The following QRICH2 variants were observed in gnomAD, a reference collection of about 807,000 sequenced individuals.
QRICH2 encodes the protein glutamine-rich protein 2.
Under a neutral mutation model 168.3 loss-of-function variants are expected in QRICH2, and 119 were observed. The ratio of observed to expected loss-of-function variants is 0.71; its 90% CI spans 0.61 to 0.82. The LOEUF is 0.82. QRICH2 is among the 40% of genes least tolerant of loss of function. The pLI is 0.00. For synonymous variants in QRICH2, 894 were observed against 951.2 expected (o/e 0.94, Z 1.11); for missense variants, 2,241 against 2,491.6 (o/e 0.90, Z 2.14).
At position 76,281,628 on chromosome 17, in the gene QRICH2, A is replaced by C. The variant is rs1233772758; in HGVS notation, c.4263+236T>G. On this transcript the variant is annotated intron_variant, in intron 8 of 18. Transcript: ENST00000680821. This position sits in a 1 kb window ranked among gnomAD's most constrained non-coding sequence, Gnocchi z 4.4. Reference sequence around the variant, plus strand: ...CAGCCGGCCTGTGCTGTCCCACCCCATCAAGCCAGCTCTTCCCCATGGTCT... The same window carrying C: ...CAGCCGGCCTGTGCTGTCCCACCCCCTCAAGCCAGCTCTTCCCCATGGTCT... 6.6e-6 allele frequency among the ~76,000 whole-genome samples: 1 copy of C among 152,160 alleles called. No individual in the cohort carries two copies. The highest frequency in any genetic ancestry group is 1.5e-5 in the Non-Finnish European group (1 of 68,032).
In QRICH2 at chr17:76,292,926, C is replaced by A. The variant is rs770893659; in HGVS notation, c.1801G>T (p.Val601Phe). Residue 601 changes from valine to phenylalanine, a missense_variant, in exon 4 of 19, where the codon GTC becomes TTC. Around this residue, in one of 3 missense-constraint regions of QRICH2, gnomAD observed 2,047 missense variants for 2,303.8 expected, o/e 0.89. Coordinates refer to ENST00000680821, the MANE Select transcript of QRICH2 (RefSeq NM_001388453.1). ...VQPGADQRGLVRPGMDQSGLA... is the reference protein window; with the variant it reads ...VQPGADQRGLFRPGMDQSGLA... Reference sequence around the variant, plus strand: ...CCAGACTGATCCATTCCAGGCCGGACCAAACCACGCTGATCTGCACCAGGT... The same window carrying A: ...CCAGACTGATCCATTCCAGGCCGGAACAAACCACGCTGATCTGCACCAGGT... The A allele has an allele frequency of 3.7e-6, 6 of 1,613,406 alleles. No individual in the cohort carries two copies. The highest frequency in any genetic ancestry group is 8.5e-7 in the Non-Finnish European group (1 of 1,179,982).
intron 3 of QRICH2, among the ~76,000 whole-genome samples, chr17:76,303,256 T>G (rs1177007228): frequency 1.3e-5 from 2 of 152,094 alleles, no homozygotes; most frequent in Non-Finnish European, 2.9e-5. Flanking sequence ...GTCCTGGAGA[T>G]CCCAGGTTGT....
chr17:76,278,511 C>G (rs2070730262), intron 14 of QRICH2, among the ~76,000 whole-genome samples: 1 of 152,250 alleles, frequency 6.6e-6, no homozygotes, highest in Non-Finnish European at 1.5e-5. Flanking sequence ...ATACCTGGAA[C>G]CCACAGGGCT....
Position 76,293,419 on chromosome 17 carries a change from G to A in QRICH2, c.1308C>T (p.Val436=), listed in dbSNP as rs3803737. 0.32 allele frequency: 514,360 copies of A among 1,613,948 alleles called. 89,702 individuals are homozygous for A. The highest frequency in any genetic ancestry group is 0.66 in the African/African-American group (49,647 of 74,986). The part of the protein sequence containing the change: ...EMDDRELIPF[V]VDEQRMLPPS... ...GTGGCAACATACGTTGCTCATCCAC[G>A]ACAAATGGTATCAATTCCCGATCAT... Residue 436 remains valine, a synonymous_variant, in exon 4 of 19, where the codon GTC becomes GTT. Coordinates refer to ENST00000680821, the MANE Select transcript of QRICH2 (RefSeq NM_001388453.1).
At chr17:76,304,740 T>C (rs2070962462) in intron 2 of QRICH2, 142 bp downstream of exon 2, 2 of 775,456 alleles carry the variant, frequency 2.6e-6, no homozygotes, top group South Asian at 1.5e-5. Flanking sequence ...GGGGCAGATT[T>C]CCCTCCAACC....
rs1019583571 is a variant in QRICH2 at position 76,281,582 on chromosome 17, C to T, written c.4263+282G>A. Among the ~76,000 whole-genome samples, 3 of 152,180 alleles carry T rather than the reference C, an allele frequency of 2.0e-5. No homozygotes were observed. Among genetic ancestry groups the T allele is most frequent in the Non-Finnish European group, 2.9e-5 (2 of 68,026 alleles). On this transcript the variant is annotated intron_variant, in intron 8 of 18. Coordinates refer to ENST00000680821, the MANE Select transcript of QRICH2 (RefSeq NM_001388453.1). This position sits in a 1 kb window ranked among gnomAD's most constrained non-coding sequence, Gnocchi z 4.4. ...GTTGGGCCTGTGTCTCCAGGGCACG[C>T]GAAGGGCACTGATCTGTCCTCAGCC...
At chr17:76,310,908 T>C (rs548989624), upstream of QRICH2, 4 of 152,230 alleles carry the variant, frequency 2.6e-5, no homozygotes, top group Non-Finnish European at 4.4e-5. Flanking sequence ...CATGGTCTTC[T>C]GCTGTCTAAT....
chr17:76,286,422 T>G (rs2143231748), intron 7 of QRICH2, among the ~76,000 whole-genome samples: 1 of 152,286 alleles, frequency 6.6e-6, no homozygotes, highest in African/African-American at 2.4e-5. Context: ...ATGATTCCAT[T>G]TATATGAAAT....
chr17:76,293,595 C>T lies in QRICH2; in HGVS notation c.1132G>A (p.Ala378Thr), dbSNP rs768642463. ...LARDQPSSVP[A>T]SQSQVHLRPD... Reference sequence around the variant, plus strand: ...CTTAGATGGACCTGACTCTGGCTAGCGGGCACACTACTGGGCTGGTCTCTG... The same window carrying T: ...CTTAGATGGACCTGACTCTGGCTAGTGGGCACACTACTGGGCTGGTCTCTG... Residue 378 changes from alanine (A) to threonine (T), a missense_variant, in exon 4 of 19, where the codon GCT becomes ACT. Ala to Thr is a moderately conservative substitution (Grantham distance 58, BLOSUM62 0). Coordinates refer to ENST00000680821, the MANE Select transcript of QRICH2 (RefSeq NM_001388453.1). 4.8e-5 allele frequency: 77 copies of T among 1,614,028 alleles called. No homozygotes were observed. Among genetic ancestry groups the T allele is most frequent in the African/African-American group, 6.7e-5 (5 of 74,910 alleles).
intron 3 of QRICH2, among the ~76,000 whole-genome samples, chr17:76,294,924 T>C (rs2070771689): frequency 6.6e-6 from 1 of 151,842 alleles, no homozygotes; most frequent in Non-Finnish European, 1.5e-5. Flanking sequence ...CATAAGTAAT[T>C]TATTAAGTTT....
intron 2 of QRICH2, 107 bp from the exon 3 acceptor site, chr17:76,304,632 G>T: frequency 1.3e-6 from 1 of 795,654 alleles, no homozygotes; most frequent in Non-Finnish European, 2.1e-6. Flanking sequence ...CACAGCCCCA[G>T]CCCCAGGGAG....
chr17:76,300,985 T>A (rs564186364), intron 3 of QRICH2, among the ~76,000 whole-genome samples: 19 of 151,320 alleles, frequency 1.3e-4, no homozygotes, highest in Non-Finnish European at 2.4e-4. Context: ...GCTCGGGAGG[T>A]GGAGGTTGCA....
In QRICH2 at chr17:76,281,827, T is replaced by C. The variant is rs1231831182; in HGVS notation, c.4263+37A>G. Reference sequence around the variant, plus strand: ...GGTGGCCCTCCTCTGTGGGGCCATGTCCAGTTGCAGCAGGAGGGAGGCGAG... The same window carrying C: ...GGTGGCCCTCCTCTGTGGGGCCATGCCCAGTTGCAGCAGGAGGGAGGCGAG... On this transcript the variant is annotated intron_variant, in intron 8 of 18. Coordinates refer to ENST00000680821, the MANE Select transcript of QRICH2 (RefSeq NM_001388453.1). The surrounding 1 kb of genome is among the most constrained non-coding windows in gnomAD (Gnocchi z 4.4). 3 of 1,602,010 alleles carry C rather than the reference T, an allele frequency of 1.9e-6. No individual in the cohort carries two copies. The highest frequency in any genetic ancestry group is 2.6e-6 in the Non-Finnish European group (3 of 1,171,426).
chr17:76,308,208 T>C lies in QRICH2; in HGVS notation c.-210A>G. 1.0e-6 allele frequency: 1 copy of C among 985,382 alleles called. No homozygotes were observed. Among genetic ancestry groups the C allele is most frequent in the South Asian group, 4.7e-5 (1 of 21,286 alleles). 61.0% of individuals were successfully genotyped at this position (985,382 alleles called of 1,614,324 possible). A position where few individuals can be genotyped will look rare whatever the true frequency, so the allele number is the denominator to read the frequency against. On this transcript the variant is annotated 5_prime_UTR_variant, in exon 1 of 19. Transcript: ENST00000680821. ...GGGTCCGCGATGGCCACCCCTCCGC[T>C]GTCTGTCGCTGGCCTCGGGTCCCCG... is the stretch of plus-strand genomic sequence containing the variant.
At chr17:76,294,244 G>T (rs569470267) in intron 3 of QRICH2, among the ~76,000 whole-genome samples, 3 of 152,120 alleles carry the variant, frequency 2.0e-5, no homozygotes, top group African/African-American at 7.2e-5. Flanking sequence ...GACCAATATG[G>T]TGAAACCCTA....
intron 1 of QRICH2, among the ~76,000 whole-genome samples, chr17:76,305,905 C>G (rs896031598): frequency 2.6e-5 from 4 of 152,206 alleles, no homozygotes; most frequent in African/African-American, 9.6e-5. Context: ...CGCAGTGGCT[C>G]TTGCCTGTAA....
In QRICH2 at chr17:76,302,297, C is replaced by A. The variant is rs188256165; in HGVS notation, c.705+2118G>T. ...ACCGACCTTTCTAGGACCCCGTTTC[C>A]CCCCCACCCCACCCCCACCTCTGTA... On this transcript the variant is annotated intron_variant, in intron 3 of 18. Coordinates refer to ENST00000680821, the MANE Select transcript of QRICH2 (RefSeq NM_001388453.1). 3.4e-3 allele frequency among the ~76,000 whole-genome samples: 466 copies of A among 138,824 alleles called. 7 individuals are homozygous for A. Among genetic ancestry groups the A allele is most frequent in the South Asian group, 0.03 (110 of 3,666 alleles). The allele number at this position is 138,824 out of a possible 152,430, so 91.1% of individuals were successfully genotyped here.
At position 76,281,875 on chromosome 17, in the gene QRICH2, G is replaced by A. The variant is rs1192861446; in HGVS notation, c.4252C>T (p.Leu1418Phe). Residue 1418 changes from leucine (L) to phenylalanine (F), a missense_variant, in exon 8 of 19, where the codon CTC becomes TTC. Transcript: ENST00000680821. This position sits in a 1 kb window ranked among gnomAD's most constrained non-coding sequence, Gnocchi z 4.4. ...AVSRPSKKAK[L>F]QRQDEELLGR... is the part of the protein sequence containing the mutation. ...GAGCAGAGCCCCACCTGTCTCTGGA[G>A]CTTGGCCTTCTTGGAGGGTCGGGAG... is the stretch of plus-strand genomic sequence containing the variant. 2.5e-6 allele frequency: 4 copies of A among 1,613,262 alleles called. No individual in the cohort carries two copies. The highest frequency in any genetic ancestry group is 1.3e-5 in the African/African-American group (1 of 74,952).
chr17:76,275,069 G>A (rs187807525), intron 18 of QRICH2, among the ~76,000 whole-genome samples: 230 of 152,270 alleles, frequency 1.5e-3, no homozygotes, highest in African/African-American at 4.9e-3. Context: ...GCATCTAGCC[G>A]AGGGGCAGGG....
Sources: gnomAD v4.1 joint callset for allele counts (sites outside exome capture counted in the v4.1 genomes callset) on GRCh38, gnomAD v4.1.1 for gene constraint, gnomAD v4.1.1 regional missense constraint, Gnocchi (gnomAD v3.1) non-coding constraint, MANE v1.5 for transcripts, NCBI Gene and HGNC (gene_info 2026-07-23, HGNC 2026-07-21) for gene names.